The following FIGN variants were observed in gnomAD, a reference collection of about 807,000 sequenced individuals.
FIGN encodes fidgetin.
In FIGN, 11 loss-of-function variants were observed where a neutral mutation model predicts 51.3. The observed-to-expected ratio is 0.21, with a 90% CI of 0.13 to 0.35. The LOEUF (loss-of-function observed/expected upper bound fraction) is 0.35. Ranked by LOEUF, FIGN falls within the 10% of genes least tolerant of loss-of-function variation. FIGN has a pLI of 1.00. For missense variants in FIGN, 857 were observed against 943.6 expected, an observed-to-expected ratio of 0.91 and a Z score of 1.20; for synonymous variants, 407 against 363.2, an observed-to-expected ratio of 1.12 and a Z score of -1.37.
rs1691212588 is a variant in FIGN, at chr2:163,610,326, A to G, written c.1506T>C (p.Val502=). The change falls in exon 3 of 3, where the codon GTT becomes GTC. Residue 502 remains valine (V), a synonymous_variant. Coordinates refer to ENST00000333129, the MANE Select transcript of FIGN (RefSeq NM_018086.4). ...DLVKAVIKEE[V]LWPVLRSDAF... is the part of the protein sequence containing the mutation. Reference sequence around the variant, plus strand: ...CGTCTGACCTCAACACTGGCCATAAAACCTCCTCTTTAATGACAGCCTTCA... The same window carrying G: ...CGTCTGACCTCAACACTGGCCATAAGACCTCCTCTTTAATGACAGCCTTCA... 2 of 1,614,128 alleles carry G rather than the reference A, an allele frequency of 1.2e-6. No homozygotes were observed. Among genetic ancestry groups the G allele is most frequent in the Non-Finnish European group, 8.5e-7 (1 of 1,180,020 alleles).
rs1177694002 is a variant in FIGN, at chr2:163,610,702, T to C, written c.1130A>G (p.Lys377Arg). Residue 377 changes from lysine (K) to arginine (R), a missense_variant, in exon 3 of 3, where the codon AAG becomes AGG. By Grantham distance (26) the Lys-to-Arg change is conservative (BLOSUM62 2). This residue lies in a region of FIGN where 799 missense variants were observed against 849.5 expected (regional missense o/e 0.94). Transcript: ENST00000333129. ...RSAETSSLAF[K>R]PTKQLMSSEQ... ...AGAGGACATTAGCTGCTTCGTTGGC[T>C]TAAATGCTAAGGATGATGTTTCAGC... 1.2e-6 allele frequency: 2 copies of C among 1,614,222 alleles called. No homozygotes were observed. Among genetic ancestry groups the C allele is most frequent in the Non-Finnish European group, 1.7e-6 (2 of 1,180,032 alleles).
intron 2 of FIGN, among the ~76,000 whole-genome samples, chr2:163,619,199 G>GAGTGAAGC (rs1682929111): frequency 6.6e-6 from 1 of 152,140 alleles, no homozygotes; most frequent in African/African-American, 2.4e-5. Flanking sequence ...ATTTAACAGT[G>GAGTGAAGC]AGTGAAGCAT....
intron 2 of FIGN, among the ~76,000 whole-genome samples, chr2:163,729,964 T>C (rs190959323): frequency 1.3e-3 from 200 of 152,356 alleles, no homozygotes; most frequent in African/African-American, 4.6e-3. Flanking sequence ...AAGTGCCATA[T>C]GATATCTCAT....
At position 163,609,540 on chromosome 2, in the gene FIGN, C is replaced by T. The variant is rs761628875; in HGVS notation, c.*12G>A. 8.1e-5 allele frequency: 125 copies of T among 1,547,132 alleles called. No homozygotes were observed. The Admixed American group carries it at 9.2e-4, about 11-fold the overall frequency. ...CCAACATTCATTACATTTTTTTTTT[C>T]TAAAGAAGTTATCACTGACTGCAAC... On this transcript the variant is annotated 3_prime_UTR_variant, in exon 3 of 3. Coordinates refer to ENST00000333129, the MANE Select transcript of FIGN (RefSeq NM_018086.4).
At chr2:163,655,600 A>G (rs1683546082) in intron 2 of FIGN, among the ~76,000 whole-genome samples, 1 of 152,182 alleles carries the variant, frequency 6.6e-6, no homozygotes. Flanking sequence ...TTCATGAGTG[A>G]TTAATCTGTT....
At chr2:163,650,912 T>G (rs1014195873) in intron 2 of FIGN, among the ~76,000 whole-genome samples, 32 of 152,302 alleles carry the variant, frequency 2.1e-4, no homozygotes, top group African/African-American at 7.7e-4. Context: ...AGTTGCTGTA[T>G]AGTTACTGAA....
intron 2 of FIGN, among the ~76,000 whole-genome samples, chr2:163,646,951 C>T (rs1683391735): frequency 6.6e-6 from 1 of 152,218 alleles, no homozygotes; most frequent in Non-Finnish European, 1.5e-5. Flanking sequence ...GAAGTAAACA[C>T]TGCCACAGTT....
At chr2:163,676,143 G>A (rs1170906713) in intron 2 of FIGN, among the ~76,000 whole-genome samples, 7 of 151,494 alleles carry the variant, frequency 4.6e-5, no homozygotes, top group Non-Finnish European at 1.0e-4. Context: ...GCATGCTGTG[G>A]AGTACACATA....
At chr2:163,643,836 G>C (rs918488279) in intron 2 of FIGN, among the ~76,000 whole-genome samples, 6 of 147,322 alleles carry the variant, frequency 4.1e-5, no homozygotes, top group African/African-American at 1.3e-4. Context: ...GCAGGCTGAG[G>C]CAGGACAATC....
rs1279613881 is a variant in FIGN, at chr2:163,732,654, C to T, written c.25+2249G>A. 2.0e-5 allele frequency among the ~76,000 whole-genome samples: 3 copies of T among 152,236 alleles called. No homozygotes were observed. The East Asian group carries it at 5.8e-4, about 29-fold the overall frequency. On this transcript the variant is annotated intron_variant, in intron 2 of 2. Coordinates refer to ENST00000333129, the MANE Select transcript of FIGN (RefSeq NM_018086.4). ...CAACTGTTACGTCCAGAAAACTTCA[C>T]ACATAGTGAAATCCTAATAAATAGA...
chr2:163,622,990 T>C (rs889285639), intron 2 of FIGN, among the ~76,000 whole-genome samples: 2 of 152,140 alleles, frequency 1.3e-5, no homozygotes, highest in African/African-American at 4.8e-5. Context: ...ATGTGCCTCT[T>C]CATAGCACAC....
chr2:163,652,728 T>C (rs1385480996), intron 2 of FIGN, among the ~76,000 whole-genome samples: 1 of 152,148 alleles, frequency 6.6e-6, no homozygotes, highest in African/African-American at 2.4e-5. Flanking sequence ...CATAATCTTA[T>C]TATAATCCAT....
intron 2 of FIGN, among the ~76,000 whole-genome samples, chr2:163,696,367 A>C (rs1436629401): frequency 6.6e-6 from 1 of 152,270 alleles, no homozygotes; most frequent in East Asian, 1.9e-4. Flanking sequence ...CAGACTAGAA[A>C]AAAGTAAATG....
At chr2:163,703,619 C>T (rs907076965) in intron 2 of FIGN, among the ~76,000 whole-genome samples, 24 of 152,114 alleles carry the variant, frequency 1.6e-4, no homozygotes, top group African/African-American at 5.8e-4. Flanking sequence ...CTTGACATTT[C>T]TGACCTTTGA....
At position 163,674,166 on chromosome 2, in the gene FIGN, A is replaced by G. The variant is rs193071690; in HGVS notation, c.25+60737T>C. ...AATTGGAAGTTACCTGAAAAGATTG[A>G]TGAATTTAGTTTTACTAACTCCAAT... On this transcript the variant is annotated intron_variant, in intron 2 of 2. Coordinates refer to ENST00000333129, the MANE Select transcript of FIGN (RefSeq NM_018086.4). Among the ~76,000 whole-genome samples, 33 of 152,302 alleles carry G rather than the reference A, an allele frequency of 2.2e-4. No individual in the cohort carries two copies. In the South Asian group the frequency reaches 3.1e-3, roughly 14 times the overall value.
At chr2:163,687,120 T>C (rs917951912) in intron 2 of FIGN, among the ~76,000 whole-genome samples, 4 of 152,134 alleles carry the variant, frequency 2.6e-5, no homozygotes, top group Admixed American at 6.5e-5. Context: ...TCAGAGGCAT[T>C]TGGAAGAGTT....
intron 2 of FIGN, among the ~76,000 whole-genome samples, chr2:163,732,296 A>G (rs1206784731): frequency 6.6e-6 from 1 of 152,224 alleles, no homozygotes; most frequent in Non-Finnish European, 1.5e-5. Context: ...GACGATGTGT[A>G]CAAGCATGTT....
chr2:163,725,303 T>C (rs534074782), intron 2 of FIGN, among the ~76,000 whole-genome samples: 4 of 151,982 alleles, frequency 2.6e-5, no homozygotes, highest in Non-Finnish European at 5.9e-5. Context: ...TTCAAAACGG[T>C]ACACAGCTAG....
chr2:163,664,231 A>G (rs1466038634), intron 2 of FIGN, among the ~76,000 whole-genome samples: 1 of 152,152 alleles, frequency 6.6e-6, no homozygotes, highest in Non-Finnish European at 1.5e-5. Flanking sequence ...TAAAAAGTAA[A>G]AAGAACAATG....
Sources: gnomAD v4.1 joint callset for allele counts (sites outside exome capture counted in the v4.1 genomes callset) on GRCh38, gnomAD v4.1.1 for gene constraint, gnomAD v4.1.1 regional missense constraint, MANE v1.5 for transcripts, NCBI Gene and HGNC (gene_info 2026-07-23, HGNC 2026-07-21) for gene names.